Variants in AUTS2 observed in about 807,000 individuals in gnomAD.
AUTS2 encodes activator of transcription and developmental regulator AUTS2.
Under a neutral mutation model 112.4 loss-of-function variants are expected in AUTS2, and 17 were observed. The observed-to-expected ratio is 0.15, with a 90% CI of 0.10 to 0.23. AUTS2 has a LOEUF of 0.23. Among genes scored for constraint, AUTS2 ranks in the 10% least tolerant of loss-of-function variants. The pLI is 1.00. For synonymous variants in AUTS2, 751 were observed against 702.7 expected (o/e 1.07, Z -1.09); for missense variants, 1,510 against 1,701.6 (o/e 0.89, Z 1.98).
Position 69,959,994 on chromosome 7 carries a change from C to T in AUTS2, c.522+60496C>T, listed in dbSNP as rs370528978. 9.9e-5 allele frequency among the ~76,000 whole-genome samples: 15 copies of T among 152,012 alleles called. 1 individual carries two copies. In the Middle Eastern group the frequency reaches 0.01, roughly 103 times the overall value. ...CTAGGCCTATTTTTTTTTAATCTGT[C>T]TGGATGAAGAAGGAATTGTTTAGTA... On this transcript the variant is annotated intron_variant, in intron 2 of 18. Coordinates refer to ENST00000342771, the MANE Select transcript of AUTS2 (RefSeq NM_015570.4).
At chr7:70,429,637 GATTAGT>G (rs1465275360) in intron 4 of AUTS2, among the ~76,000 whole-genome samples, 1 of 152,226 alleles carries the variant, frequency 6.6e-6, no homozygotes, top group Non-Finnish European at 1.5e-5. Flanking sequence ...CCTGCTGTGA[GATTAGT>G]ATGGGGAGTC....
Position 69,699,117 on chromosome 7 carries a change from ATAAC to A in AUTS2, c.309+99158_309+99161del, listed in dbSNP as rs1255043576. Among the ~76,000 whole-genome samples the A allele has an allele frequency of 2.6e-5, 4 of 152,334 alleles. No homozygotes were observed. In the East Asian group the frequency reaches 7.7e-4, roughly 29 times the overall value. ...TGGTCACTTATAATTCTTGAATAAT[ATAAC>A]TATGTAGAGTTAAAAGCAAAGATTG... is the stretch of plus-strand genomic sequence containing the variant. On this transcript the variant is annotated intron_variant, in intron 1 of 18. Coordinates refer to ENST00000342771, the MANE Select transcript of AUTS2 (RefSeq NM_015570.4).
intron 2 of AUTS2, among the ~76,000 whole-genome samples, chr7:69,915,594 C>G (rs1795544604): frequency 6.6e-6 from 1 of 152,086 alleles, no homozygotes; most frequent in South Asian, 2.1e-4. Flanking sequence ...ACAGGAAAGT[C>G]TTATGTTTCT....
intron 2 of AUTS2, among the ~76,000 whole-genome samples, chr7:70,055,514 T>C (rs1278050758): frequency 2.0e-5 from 3 of 152,230 alleles, no homozygotes; most frequent in Non-Finnish European, 4.4e-5. Flanking sequence ...GAGTCCTTGC[T>C]TTGTGATACT....
intron 1 of AUTS2, among the ~76,000 whole-genome samples, chr7:69,618,778 T>C (rs1583951133): frequency 6.6e-6 from 1 of 152,112 alleles, no homozygotes; most frequent in Admixed American, 6.5e-5. Flanking sequence ...TAAAAAACCT[T>C]ATGACTTTAC....
intron 2 of AUTS2, among the ~76,000 whole-genome samples, chr7:69,998,387 A>AGG (rs1411897221): frequency 6.6e-6 from 1 of 152,144 alleles, no homozygotes; most frequent in Non-Finnish European, 1.5e-5. Context: ...TGTAATTCTA[A>AGG]GAGCTCCCTG....
rs141073020 is a variant in AUTS2 at position 70,546,906 on chromosome 7, G to T, written c.690+111125G>T. Among the ~76,000 whole-genome samples, 14 of 152,270 alleles carry T rather than the reference G, an allele frequency of 9.2e-5. No homozygotes were observed. In the East Asian group the frequency reaches 2.5e-3, roughly 27 times the overall value. ...TGCATGCCTGTGCAGCTTAATTTTA[G>T]ATTTTGTTTTCTTTTGCTTTGTTGT... is the stretch of plus-strand genomic sequence containing the variant. On this transcript the variant is annotated intron_variant, in intron 5 of 18. Transcript: ENST00000342771.
chr7:69,677,855 A>C (rs1241590813), intron 1 of AUTS2, among the ~76,000 whole-genome samples: 3 of 152,200 alleles, frequency 2.0e-5, no homozygotes, highest in African/African-American at 4.8e-5. Flanking sequence ...CAAATTACAT[A>C]GCTTTGAGCC....
chr7:70,620,470 C>T (rs1804614957), intron 5 of AUTS2, among the ~76,000 whole-genome samples: 2 of 152,100 alleles, frequency 1.3e-5, no homozygotes, highest in South Asian at 4.1e-4. Flanking sequence ...TCACACCACG[C>T]TCATCACTGA....
chr7:70,665,429 GTTTA>G (rs1036798843), intron 5 of AUTS2, among the ~76,000 whole-genome samples: 14 of 121,576 alleles, frequency 1.2e-4, no homozygotes, highest in Non-Finnish European at 2.2e-4. Flanking sequence ...ATGACCAGCT[GTTTA>G]TTTATTTATC....
intron 2 of AUTS2, among the ~76,000 whole-genome samples, chr7:70,117,004 A>G (rs1805390021): frequency 6.6e-6 from 1 of 151,426 alleles, no homozygotes; most frequent in South Asian, 2.1e-4. Flanking sequence ...ATGTAGACTG[A>G]TGGTTTTCAA....
rs536956713 is a variant in AUTS2 at position 69,885,757 on chromosome 7, A to G, written c.310-13529A>G. 2.6e-5 allele frequency among the ~76,000 whole-genome samples: 4 copies of G among 152,296 alleles called. No individual in the cohort carries two copies. The East Asian group carries it at 7.7e-4, about 29-fold the overall frequency. ...GTGCCTGCTTAGAGAGCTATTAGAG[A>G]ATTCAATGAGGTGATTATTTTAAAA... On this transcript the variant is annotated intron_variant, in intron 1 of 18. Coordinates refer to ENST00000342771, the MANE Select transcript of AUTS2 (RefSeq NM_015570.4).
chr7:70,531,537 G>A (rs1315955542), intron 5 of AUTS2, among the ~76,000 whole-genome samples: 4 of 152,174 alleles, frequency 2.6e-5, no homozygotes, highest in Non-Finnish European at 5.9e-5. Context: ...GGCAGAAGGT[G>A]AAGAGGGAGC....
intron 4 of AUTS2, among the ~76,000 whole-genome samples, chr7:70,384,468 C>CCACT (rs913684309): frequency 2.4e-4 from 37 of 152,182 alleles, no homozygotes; most frequent in Admixed American, 5.9e-4. Context: ...GGATGACAAG[C>CCACT]CACTCCTTCT....
chr7:70,025,843 A>G (rs1800496951), intron 2 of AUTS2, among the ~76,000 whole-genome samples: 1 of 150,032 alleles, frequency 6.7e-6, no homozygotes, highest in African/African-American at 2.5e-5. Flanking sequence ...TGTTAAAAGC[A>G]CACACAGTGG....
At chr7:70,581,102 G>T (rs1419101807) in intron 5 of AUTS2, among the ~76,000 whole-genome samples, 1 of 152,126 alleles carries the variant, frequency 6.6e-6, no homozygotes, top group Non-Finnish European at 1.5e-5. Flanking sequence ...TTAAAATAAG[G>T]CCGGGCGTAG....
chr7:70,175,092 A>T (rs1370670762), intron 4 of AUTS2, among the ~76,000 whole-genome samples: 2 of 152,224 alleles, frequency 1.3e-5, no homozygotes, highest in African/African-American at 4.8e-5. Context: ...AAGAACATTC[A>T]TGACATATAG....
intron 2 of AUTS2, among the ~76,000 whole-genome samples, chr7:69,904,828 A>C (rs1406156557): frequency 1.3e-5 from 2 of 152,216 alleles, no homozygotes; most frequent in Non-Finnish European, 2.9e-5. Context: ...AAATAAGAAA[A>C]ACTGTAAGGA....
chr7:69,712,103 T>A (rs1381613847), intron 1 of AUTS2, among the ~76,000 whole-genome samples: 1 of 152,168 alleles, frequency 6.6e-6, no homozygotes, highest in Non-Finnish European at 1.5e-5. Flanking sequence ...CCTTCCCTCA[T>A]CATGGCACTT....
Sources: allele counts gnomAD v4.1 joint callset (sites outside exome capture counted in the v4.1 genomes callset), GRCh38; gene constraint gnomAD v4.1.1; transcripts MANE v1.5; gene names NCBI Gene and HGNC (gene_info 2026-07-23, HGNC 2026-07-21).